The following ACOT11 variants were observed in gnomAD, a reference collection of about 807,000 sequenced individuals.
ACOT11 encodes acyl-CoA thioesterase 11, also known as acyl-coenzyme A thioesterase 11.
In ACOT11, 69 loss-of-function variants were observed where a neutral mutation model predicts 77.5. The ratio of observed to expected loss-of-function variants is 0.89; its 90% CI spans 0.73 to 1.09. The LOEUF (loss-of-function observed/expected upper bound fraction) is 1.09, where lower values mean the gene tolerates loss of function less well. ACOT11 is among the 50% of genes least tolerant of loss of function. The pLI, the probability that ACOT11 is intolerant of heterozygous loss-of-function variation, is 0.00. For synonymous variants in ACOT11, 279 were observed against 313.0 expected (o/e 0.89, Z 1.15); for missense variants, 766 against 813.7 (o/e 0.94, Z 0.71).
chr1:54,575,750 C>T (rs115054150), intron 1 of ACOT11, among the ~76,000 whole-genome samples: 2,009 of 152,294 alleles, frequency 0.013, 32 homozygotes, highest in East Asian at 0.038. Context: ...GTGAGGTACA[C>T]GGGTGCCCGG....
At chr1:54,630,828 A>T (rs1162577847) in exon 16 of ACOT11, 4 of 768,978 alleles carry the variant, frequency 5.2e-6, no homozygotes, top group African/African-American at 1.7e-5. Context: ...CGCAGGAGCG[A>T]CGGTTGGAAT....
intron 15 of ACOT11, among the ~76,000 whole-genome samples, chr1:54,624,365 G>A (rs1644258597): frequency 6.6e-6 from 1 of 152,086 alleles, no homozygotes; most frequent in East Asian, 1.9e-4. Context: ...CGGGACTGAG[G>A]GGTGGAGGGG....
At chr1:54,576,491 T>TAAAAAAAAA in intron 1 of ACOT11, among the ~76,000 whole-genome samples, 1 of 68,364 alleles carries the variant, frequency 1.5e-5, no homozygotes, top group Non-Finnish European at 3.0e-5. Context: ...GAGCAAGATC[T>TAAAAAAAAA]AAAAAAAAAA....
chr1:54,618,020 C>T (rs1644193043), intron 15 of ACOT11, among the ~76,000 whole-genome samples: 1 of 152,174 alleles, frequency 6.6e-6, no homozygotes, highest in Non-Finnish European at 1.5e-5. Flanking sequence ...AGCCACCAGG[C>T]CTGGCCCGAG....
intron 3 of ACOT11, among the ~76,000 whole-genome samples, chr1:54,588,394 G>A (rs1654581062): frequency 6.6e-6 from 1 of 152,108 alleles, no homozygotes; most frequent in African/African-American, 2.4e-5. Flanking sequence ...ATACTATGTG[G>A]TCATAGCTAT....
At chr1:54,619,807 CCT>C in intron 15 of ACOT11, 1 of 1,572,314 alleles carries the variant, frequency 6.4e-7, no homozygotes. Context: ...CACTTCTCTC[CCT>C]CTGTCTTCTC....
At chr1:54,598,607 T>G (rs973209814) in intron 7 of ACOT11, 1 of 152,184 alleles carries the variant, frequency 6.6e-6, no homozygotes, top group Non-Finnish European at 1.5e-5. Flanking sequence ...TCCCAGCGCT[T>G]TGGGAGGCTG....
At chr1:54,596,977 A>G (rs547428176) in intron 6 of ACOT11, among the ~76,000 whole-genome samples, 1 of 152,314 alleles carries the variant, frequency 6.6e-6, no homozygotes, top group South Asian at 2.1e-4. Flanking sequence ...CGAGGCTCAG[A>G]GGGATTACTT....
At chr1:54,565,526 G>A (rs1230892858) in intron 1 of ACOT11, among the ~76,000 whole-genome samples, 9 of 152,192 alleles carry the variant, frequency 5.9e-5, no homozygotes, top group African/African-American at 1.4e-4. Flanking sequence ...GGCCAGGAGT[G>A]CATGGGTGGC....
At chr1:54,611,892 C>G, downstream of ACOT11, 1 of 880,682 alleles carries the variant, frequency 1.1e-6, no homozygotes, top group Non-Finnish European at 1.7e-6. Context: ...CTGAGTCCTA[C>G]CCCTTCCCAA....
chr1:54,579,839 A>G (rs1303726955), intron 1 of ACOT11, among the ~76,000 whole-genome samples: 1 of 152,180 alleles, frequency 6.6e-6, no homozygotes, highest in African/African-American at 2.4e-5. Context: ...AGAACCTCTC[A>G]AACAAGCTCG....
At chr1:54,619,225 A>C (rs1038573705) in intron 15 of ACOT11, among the ~76,000 whole-genome samples, 3 of 152,186 alleles carry the variant, frequency 2.0e-5, no homozygotes, top group African/African-American at 7.2e-5. Flanking sequence ...CTACTGCTTT[A>C]AAGTTCACTA....
In ACOT11 at chr1:54,609,242, T is replaced by A. The variant is rs377007476; in HGVS notation, c.*130T>A. ...CCCGTGGGAAGCCTCCGCCCTGAGG[T>A]CCGCTGGCCCACCACCCCTGGGTGC... On this transcript the variant is annotated 3_prime_UTR_variant, in exon 16 of 16. Coordinates refer to ENST00000343744, the MANE Select transcript of ACOT11 (RefSeq NM_147161.4). The A allele has an allele frequency of 1.9e-5, 30 of 1,592,604 alleles. No homozygotes were observed. Among genetic ancestry groups the A allele is most frequent in the Non-Finnish European group, 2.4e-5 (28 of 1,167,658 alleles).
At chr1:54,599,602 C>A in intron 8 of ACOT11, 187 bp downstream of exon 8, 1 of 598,318 alleles carries the variant, frequency 1.7e-6, no homozygotes, top group Non-Finnish European at 2.4e-6. Flanking sequence ...CCTTCCCTGG[C>A]TCCCAGTCCT....
At chr1:54,593,645 A>G (rs969781561) in intron 4 of ACOT11, among the ~76,000 whole-genome samples, 2 of 152,102 alleles carry the variant, frequency 1.3e-5, no homozygotes, top group African/African-American at 2.4e-5. Context: ...TGTTGTAGAC[A>G]TAGTCTCATT....
chr1:54,617,840 C>T (rs1024225076), intron 15 of ACOT11, among the ~76,000 whole-genome samples: 1 of 150,454 alleles, frequency 6.6e-6, no homozygotes, highest in Non-Finnish European at 1.5e-5. Context: ...TCTCCTGCCT[C>T]AGCCTCCTGA....
chr1:54,612,310 T>A (rs1644127276), downstream of ACOT11, among the ~76,000 whole-genome samples: 1 of 151,652 alleles, frequency 6.6e-6, no homozygotes, highest in Non-Finnish European at 1.5e-5. Flanking sequence ...TGGGAGGTAG[T>A]GAGTAGCCCG....
chr1:54,574,029 C>CAAA (rs368096166), intron 1 of ACOT11, among the ~76,000 whole-genome samples: 1 of 87,382 alleles, frequency 1.1e-5, no homozygotes, highest in Non-Finnish European at 2.5e-5. Flanking sequence ...AACTCCATCT[C>CAAA]AAAAAAAAAA....
chr1:54,552,795 GTGT>G lies in ACOT11; in HGVS notation c.33+4473_33+4475del, dbSNP rs370522224. Among the ~76,000 whole-genome samples the G allele has an allele frequency of 5.1e-3, 703 of 136,722 alleles. 4 individuals carry two copies. Among genetic ancestry groups the G allele is most frequent in the African/African-American group, 0.017 (605 of 36,428 alleles). 89.7% of individuals were successfully genotyped at this position (136,722 alleles called of 152,430 possible). A position where few individuals can be genotyped will look rare whatever the true frequency, so the allele number is the denominator to read the frequency against. On this transcript the variant is annotated intron_variant, in intron 1 of 15. Coordinates refer to ENST00000343744, the MANE Select transcript of ACOT11 (RefSeq NM_147161.4). ...AGCCACCATGCCCGGCCCACTCTTAGTGTTGTTGTTGTTGTTGTTGTTTGTTTT... is the reference window on the plus strand; with the variant it reads ...AGCCACCATGCCCGGCCCACTCTTAGTGTTGTTGTTGTTGTTGTTTGTTTT...
Sources: allele counts gnomAD v4.1 joint callset (sites outside exome capture counted in the v4.1 genomes callset), GRCh38; gene constraint gnomAD v4.1.1; transcripts MANE v1.5; gene names NCBI Gene and HGNC (gene_info 2026-07-23, HGNC 2026-07-21).